The following FMN2 variants were observed in gnomAD, a reference collection of about 807,000 sequenced individuals.
FMN2 encodes formin-2.
A neutral mutation model predicts 142.3 loss-of-function variants in FMN2; 51 were observed. The ratio of observed to expected loss-of-function variants is 0.36; its 90% CI spans 0.29 to 0.45. FMN2 has a LOEUF of 0.45. FMN2 is among the 20% of genes least tolerant of loss of function. FMN2 has a pLI of 1.00. For synonymous variants in FMN2, 882 were observed against 869.8 expected, an observed-to-expected ratio of 1.01 and a Z score of -0.25; for missense variants, 1,936 against 2,122.8, an observed-to-expected ratio of 0.91 and a Z score of 1.73.
chr1:240,328,792 G>T (rs1671281702), intron 8 of FMN2, among the ~76,000 whole-genome samples: 1 of 152,012 alleles, frequency 6.6e-6, no homozygotes, highest in South Asian at 2.1e-4. Context: ...GTTTCACCAT[G>T]TTGGCCAAGC....
intron 7 of FMN2, among the ~76,000 whole-genome samples, chr1:240,269,026 G>A (rs767996486): frequency 1.3e-5 from 2 of 151,792 alleles, no homozygotes; most frequent in Non-Finnish European, 2.9e-5. Flanking sequence ...CTATTGTTTT[G>A]TTTGTGTGCA....
chr1:240,197,615 T>C (rs1665964151), intron 4 of FMN2, among the ~76,000 whole-genome samples: 1 of 152,162 alleles, frequency 6.6e-6, no homozygotes, highest in Non-Finnish European at 1.5e-5. Flanking sequence ...AATTGATTGC[T>C]TGCTGGAGGG....
chr1:240,154,129 A>G (rs1824115), intron 2 of FMN2, among the ~76,000 whole-genome samples: 2,239 of 102,224 alleles, frequency 0.022, 77 homozygotes, highest in Middle Eastern at 0.037. Flanking sequence ...AAAAAAAAAA[A>G]AAGTGTTACT....
chr1:240,271,168 A>T (rs907037732), intron 7 of FMN2, among the ~76,000 whole-genome samples: 2 of 95,040 alleles, frequency 2.1e-5, no homozygotes, highest in African/African-American at 4.1e-5. Context: ...CACTTCTTTT[A>T]TCCTGTTGGG....
At chr1:240,303,900 A>G (rs895387752) in intron 8 of FMN2, among the ~76,000 whole-genome samples, 1 of 152,006 alleles carries the variant, frequency 6.6e-6, no homozygotes, top group Non-Finnish European at 1.5e-5. Context: ...ATCCATCTTC[A>G]AGTTCATGGA....
intron 8 of FMN2, among the ~76,000 whole-genome samples, chr1:240,313,347 C>T (rs941642929): frequency 7.2e-5 from 11 of 152,260 alleles, no homozygotes; most frequent in African/African-American, 2.6e-4. Flanking sequence ...ATATACATAA[C>T]TTAAGTCACC....
At chr1:240,384,300 A>C (rs983121764) in intron 14 of FMN2, among the ~76,000 whole-genome samples, 1 of 152,066 alleles carries the variant, frequency 6.6e-6, no homozygotes, top group Non-Finnish European at 1.5e-5. Context: ...AATCTAAAAT[A>C]ATAATATTTA....
chr1:240,230,497 T>A (rs1055139038), intron 6 of FMN2, among the ~76,000 whole-genome samples: 3 of 132,224 alleles, frequency 2.3e-5, no homozygotes, highest in African/African-American at 3.2e-5. Flanking sequence ...CATAAAAAAA[T>A]TTTGTTTTGA....
At chr1:240,404,282 A>C (rs1674079496) in intron 15 of FMN2, among the ~76,000 whole-genome samples, 1 of 152,234 alleles carries the variant, frequency 6.6e-6, no homozygotes, top group South Asian at 2.1e-4. Flanking sequence ...CTTCTGGCAC[A>C]TGGATAAAAT....
intron 16 of FMN2, among the ~76,000 whole-genome samples, chr1:240,465,995 G>A (rs949836964): frequency 1.3e-5 from 2 of 152,190 alleles, no homozygotes; most frequent in Non-Finnish European, 2.9e-5. Context: ...TAGGGAGAGT[G>A]TAGAGAAAAA....
rs184612969 is a variant in FMN2 at position 240,234,948 on chromosome 1, A to G, written c.4066-22997A>G. On this transcript the variant is annotated intron_variant, in intron 6 of 17. Coordinates refer to ENST00000319653, the MANE Select transcript of FMN2 (RefSeq NM_020066.5). ...TACATCCCTCTTAACTACACTTACA[A>G]TTTCAGATTGTTCAAGGATCTGTAT... Among the ~76,000 whole-genome samples, 477 of 152,276 alleles carry G rather than the reference A, an allele frequency of 3.1e-3. 1 individual carries two copies. The highest frequency in any genetic ancestry group is 0.011 in the African/African-American group (466 of 41,558).
chr1:240,393,516 A>G (rs1673677465), intron 15 of FMN2, among the ~76,000 whole-genome samples: 2 of 152,108 alleles, frequency 1.3e-5, no homozygotes, highest in Admixed American at 6.6e-5. Flanking sequence ...AGACACAACA[A>G]TATTGAAATT....
chr1:240,370,050 G>A (rs1344860356), intron 14 of FMN2, among the ~76,000 whole-genome samples: 1 of 152,108 alleles, frequency 6.6e-6, no homozygotes, highest in African/African-American at 2.4e-5. Flanking sequence ...CTGTGGTTAT[G>A]TCGGACGATT....
At chr1:240,293,326 A>G (rs1669854431) in intron 7 of FMN2, among the ~76,000 whole-genome samples, 1 of 152,086 alleles carries the variant, frequency 6.6e-6, no homozygotes, top group Admixed American at 6.6e-5. Context: ...GACCCCTTGC[A>G]TTTCCTTTAT....
intron 7 of FMN2, among the ~76,000 whole-genome samples, chr1:240,265,422 A>G (rs1377484177): frequency 6.6e-6 from 1 of 152,160 alleles, no homozygotes; most frequent in Admixed American, 6.6e-5. Context: ...CCATAACATT[A>G]TAATGGGGTT....
intron 7 of FMN2, among the ~76,000 whole-genome samples, chr1:240,260,929 A>C (rs1010150873): frequency 1.3e-5 from 2 of 152,172 alleles, no homozygotes; most frequent in Non-Finnish European, 2.9e-5. Flanking sequence ...TGATTTTTGT[A>C]TAATGTGAGA....
intron 4 of FMN2, among the ~76,000 whole-genome samples, chr1:240,197,620 G>A (rs992355765): frequency 2.6e-5 from 4 of 152,130 alleles, no homozygotes; most frequent in Non-Finnish European, 5.9e-5. Context: ...ATTGCTTGCT[G>A]GAGGGACGAA....
intron 4 of FMN2, among the ~76,000 whole-genome samples, chr1:240,206,573 A>G (rs911506843): frequency 6.6e-6 from 1 of 152,116 alleles, no homozygotes; most frequent in Non-Finnish European, 1.5e-5. Flanking sequence ...ATCATTTGAA[A>G]ATGAGACAGA....
intron 6 of FMN2, among the ~76,000 whole-genome samples, chr1:240,254,389 G>C (rs1233609252): frequency 1.3e-5 from 2 of 152,078 alleles, no homozygotes; most frequent in Non-Finnish European, 2.9e-5. Context: ...GGTGTCAATG[G>C]TGGTGAATGG....
Sources: allele counts gnomAD v4.1 joint callset (sites outside exome capture counted in the v4.1 genomes callset), GRCh38; gene constraint gnomAD v4.1.1; transcripts MANE v1.5; gene names NCBI Gene and HGNC (gene_info 2026-07-23, HGNC 2026-07-21).